Variants in TCF12 observed in about 807,000 individuals in gnomAD.
TCF12 encodes DNA-binding protein HTF4.
A neutral mutation model predicts 86.0 loss-of-function variants in TCF12; 45 were observed. The observed-to-expected ratio is 0.52, with a 90% confidence interval of 0.41 to 0.67. The LOEUF is 0.67. Among genes scored for constraint, TCF12 ranks in the 30% least tolerant of loss-of-function variants. The pLI, the probability that TCF12 is intolerant of heterozygous loss-of-function variation, is 0.00. For synonymous variants in TCF12, 330 were observed against 299.6 expected (o/e 1.10, Z -1.05); for missense variants, 881 against 859.9 (o/e 1.02, Z -0.31).
At chr15:57,250,778 C>T (rs1202894569) in intron 13 of TCF12, among the ~76,000 whole-genome samples, 3 of 151,574 alleles carry the variant, frequency 2.0e-5, no homozygotes, top group Admixed American at 1.3e-4. Flanking sequence ...CACTTGTGAT[C>T]CCAGCTACTC....
chr15:56,962,650 C>T (rs890160059), intron 3 of TCF12, among the ~76,000 whole-genome samples: 22 of 152,086 alleles, frequency 1.4e-4, no homozygotes, highest in Non-Finnish European at 2.8e-4. Flanking sequence ...GTGATGTAAC[C>T]TACTTAGGCC....
At chr15:57,166,332 T>C (rs780867538) in intron 5 of TCF12, 70 bp from the exon 6 acceptor site, 106 of 1,230,152 alleles carry the variant, frequency 8.6e-5, no homozygotes, top group Middle Eastern at 4.0e-4. Flanking sequence ...TTACCATGAA[T>C]AGTCTAGCAG....
At chr15:57,232,209 C>A (rs2059167202) in intron 9 of TCF12, 82 bp from the exon 10 acceptor site, 3 of 1,496,434 alleles carry the variant, frequency 2.0e-6, no homozygotes, top group South Asian at 1.2e-5. Context: ...CTGGAGGGTA[C>A]CCCTTGAATT....
chr15:57,013,985 CTT>C (rs2064996510), intron 3 of TCF12, among the ~76,000 whole-genome samples: 2 of 152,092 alleles, frequency 1.3e-5, no homozygotes, highest in Middle Eastern at 3.2e-3. Context: ...ACAAAGTACT[CTT>C]AAGTTTCTGA....
chr15:57,177,265 A>AT (rs3985739), intron 6 of TCF12, among the ~76,000 whole-genome samples: 1,607 of 112,660 alleles, frequency 0.014, 29 homozygotes, highest in Middle Eastern at 0.032. Context: ...GCAATAGACA[A>AT]TTTTTTTTTT....
chr15:57,170,154 T>A (rs1415953197), intron 6 of TCF12, among the ~76,000 whole-genome samples: 1 of 152,194 alleles, frequency 6.6e-6, no homozygotes, highest in Non-Finnish European at 1.5e-5. Flanking sequence ...CTTAAACTCA[T>A]GCTTGAGTGT....
chr15:57,104,676 T>C (rs1441555794), intron 5 of TCF12, among the ~76,000 whole-genome samples: 1 of 151,680 alleles, frequency 6.6e-6, no homozygotes, highest in Non-Finnish European at 1.5e-5. Context: ...CCTCAGGTGA[T>C]CTGATGGCAT....
chr15:56,943,118 G>T (rs764119510), intron 3 of TCF12, among the ~76,000 whole-genome samples: 1 of 152,036 alleles, frequency 6.6e-6, no homozygotes, highest in Non-Finnish European at 1.5e-5. Context: ...AGAGCTTTTC[G>T]TCTATATGTA....
chr15:57,076,618 A>G lies in TCF12; in HGVS notation c.222+12795A>G, dbSNP rs537037772. Among the ~76,000 whole-genome samples, 14 of 150,228 alleles carry G rather than the reference A, an allele frequency of 9.3e-5. No homozygotes were observed. The East Asian group carries it at 2.2e-3, about 23-fold the overall frequency. ...CAGTGAGCCGAGATCGCGCCACTGC[A>G]CTCCAGCCTGGCTCTGTCTCAAAAA... On this transcript the variant is annotated intron_variant, in intron 4 of 20. Coordinates refer to ENST00000333725, the MANE Select transcript of TCF12 (RefSeq NM_207037.2).
intron 18 of TCF12, among the ~76,000 whole-genome samples, chr15:57,268,593 G>A (rs1347760136): frequency 6.6e-6 from 1 of 152,138 alleles, no homozygotes; most frequent in Non-Finnish European, 1.5e-5. Flanking sequence ...GGGTATTAAA[G>A]AAGAGGTAAA....
chr15:57,183,288 G>A (rs1045588021), intron 6 of TCF12, among the ~76,000 whole-genome samples: 4 of 152,158 alleles, frequency 2.6e-5, no homozygotes, highest in Admixed American at 2.0e-4. Context: ...CTGCGTGTAT[G>A]AATATATGTT....
chr15:57,231,218 C>A lies in TCF12; in HGVS notation c.646C>A (p.Pro216Thr). The A allele has an allele frequency of 1.2e-6, 2 of 1,613,162 alleles. No homozygotes were observed. Among genetic ancestry groups the A allele is most frequent in the South Asian group, 1.1e-5 (1 of 91,058 alleles). ...RESPSYPSPKPPTSMFASTFF... is the reference protein window; with the variant it reads ...RESPSYPSPKTPTSMFASTFF... ...ATCTCCTAGTTATCCATCTCCTAAG[C>A]CACCAACCAGTATGTTCGCTAGCAC... Residue 216 changes from proline (P) to threonine (T), a missense_variant, in exon 9 of 21, where the codon CCA (proline) becomes ACA (threonine). Around this residue, in one of 3 missense-constraint regions of TCF12, gnomAD observed 766 missense variants for 718.9 expected, o/e 1.07. Coordinates refer to ENST00000333725, the MANE Select transcript of TCF12 (RefSeq NM_207037.2).
intron 5 of TCF12, among the ~76,000 whole-genome samples, chr15:57,099,780 A>G (rs947408454): frequency 3.9e-5 from 6 of 151,964 alleles, no homozygotes; most frequent in Admixed American, 1.3e-4. Flanking sequence ...TGTTTTGTTT[A>G]TATATTATGG....
chr15:57,249,954 C>T (rs2060031268), intron 13 of TCF12, among the ~76,000 whole-genome samples: 1 of 151,902 alleles, frequency 6.6e-6, no homozygotes, highest in Non-Finnish European at 1.5e-5. Flanking sequence ...TAAAACATTG[C>T]CTTCTCTCTA....
chr15:57,056,118 T>TGTGG (rs2068004800), intron 3 of TCF12, among the ~76,000 whole-genome samples: 1 of 56,722 alleles, frequency 1.8e-5, no homozygotes, highest in African/African-American at 3.1e-5. Flanking sequence ...GTTTTAGGGG[T>TGTGG]GTGTGTGTGT....
At chr15:57,116,029 T>A (rs562685113) in intron 5 of TCF12, among the ~76,000 whole-genome samples, 1 of 152,340 alleles carries the variant, frequency 6.6e-6, no homozygotes, top group Non-Finnish European at 1.5e-5. Flanking sequence ...CATGATTGTT[T>A]CCATAACATT....
At chr15:56,985,683 C>A (rs1264080948) in intron 3 of TCF12, among the ~76,000 whole-genome samples, 1 of 152,118 alleles carries the variant, frequency 6.6e-6, no homozygotes, top group Non-Finnish European at 1.5e-5. Flanking sequence ...TAGAGTATAT[C>A]ATTATTTACC....
At chr15:57,049,315 G>T (rs1445890349) in intron 3 of TCF12, among the ~76,000 whole-genome samples, 1 of 152,068 alleles carries the variant, frequency 6.6e-6, no homozygotes, top group Admixed American at 6.6e-5. Context: ...AGATACTTCC[G>T]TCTGCTTCCC....
chr15:57,191,212 C>T (rs777815964), intron 6 of TCF12, among the ~76,000 whole-genome samples: 1 of 152,174 alleles, frequency 6.6e-6, no homozygotes, highest in Non-Finnish European at 1.5e-5. Flanking sequence ...ACCAGTATTC[C>T]CAGCTCTTTG....
Sources: allele counts gnomAD v4.1 joint callset (sites outside exome capture counted in the v4.1 genomes callset), GRCh38; gene constraint gnomAD v4.1.1; regional missense constraint gnomAD v4.1.1; transcripts MANE v1.5; gene names NCBI Gene and HGNC (gene_info 2026-07-23, HGNC 2026-07-21).